Variants in MAP1B observed in about 807,000 individuals in gnomAD.
MAP1B encodes microtubule-associated protein 1B.
Under a neutral mutation model 176.1 loss-of-function variants are expected in MAP1B, and 12 were observed. The ratio of observed to expected loss-of-function variants is 0.07; its 90% CI spans 0.04 to 0.11. The LOEUF (loss-of-function observed/expected upper bound fraction) is 0.11. Ranked by LOEUF, MAP1B falls within the 10% of genes least tolerant of loss-of-function variation. MAP1B has a pLI of 1.00. For synonymous variants in MAP1B, 1,044 were observed against 1,135.0 expected (o/e 0.92, Z 1.61); for missense variants, 2,523 against 2,990.5 (o/e 0.84, Z 3.65).
chr5:72,145,181 T>C (rs1446231637), intron 2 of MAP1B, among the ~76,000 whole-genome samples: 2 of 152,172 alleles, frequency 1.3e-5, no homozygotes, highest in African/African-American at 4.8e-5. Context: ...AAGACAGTGA[T>C]AGAAACCCTA....
intron 2 of MAP1B, among the ~76,000 whole-genome samples, chr5:72,134,992 A>C (rs987517570): frequency 6.6e-6 from 1 of 150,758 alleles, no homozygotes; most frequent in African/African-American, 2.4e-5. Context: ...TGGAATCCTG[A>C]TGTTTCAGAT....
At position 72,107,475 on chromosome 5, in the gene MAP1B, G is replaced by A; in HGVS notation, c.-57G>A. The stretch of plus-strand genomic sequence containing the variant: ...TTCGGAGATAATCCTTTCTCCTGCC[G>A]CAGTGGAGAGGAGCGGCCGGAGCGA... On this transcript the variant is annotated 5_prime_UTR_variant, in exon 1 of 7. Coordinates refer to ENST00000296755, the MANE Select transcript of MAP1B (RefSeq NM_005909.5). 5.6e-6 allele frequency: 8 copies of A among 1,434,914 alleles called. No individual in the cohort carries two copies. The highest frequency in any genetic ancestry group is 1.3e-5 in the South Asian group (1 of 76,412). The allele number at this position is 1,434,914 out of a possible 1,614,324, so 88.9% of individuals were successfully genotyped here. A position where few individuals can be genotyped will look rare whatever the true frequency, so the allele number is the denominator to read the frequency against.
Position 72,186,541 on chromosome 5 carries a change from G to C in MAP1B, c.370-73G>C. 1.9e-6 allele frequency: 3 copies of C among 1,569,992 alleles called. No homozygotes were observed. In the Admixed American group the frequency reaches 5.2e-5, roughly 27 times the overall value. On this transcript the variant is annotated intron_variant, in intron 3 of 6. Transcript: ENST00000296755. The surrounding 1 kb of genome is among the most constrained non-coding windows in gnomAD (Gnocchi z 4.3). ...GTAATAAACTCCCATGGCTCCGAAG[G>C]CTAGCCCTGTCCTGAAGGTGGGATG...
intron 2 of MAP1B, among the ~76,000 whole-genome samples, chr5:72,167,460 T>G (rs1370701825): frequency 6.6e-6 from 1 of 152,160 alleles, no homozygotes; most frequent in Non-Finnish European, 1.5e-5. Context: ...ACCACAAGAC[T>G]CAGATGCAAA....
At chr5:72,169,985 A>G (rs1292769131) in intron 2 of MAP1B, among the ~76,000 whole-genome samples, 4 of 152,222 alleles carry the variant, frequency 2.6e-5, no homozygotes, top group African/African-American at 9.6e-5. Context: ...AAATTCTATC[A>G]CCAAACAACA....
chr5:72,159,425 TA>T (rs2112177504), intron 2 of MAP1B, among the ~76,000 whole-genome samples: 1 of 74,198 alleles, frequency 1.3e-5, no homozygotes, highest in East Asian at 3.3e-4. Context: ...TGGAAGCTAC[TA>T]AAAAGGCAGA....
intron 2 of MAP1B, among the ~76,000 whole-genome samples, chr5:72,118,345 GA>G (rs1250673045): frequency 6.6e-6 from 1 of 151,420 alleles, no homozygotes; most frequent in African/African-American, 2.4e-5. Context: ...TAGAACCAAG[GA>G]GCAAGATGAA....
rs147174306 is a variant in MAP1B, at chr5:72,144,480, A to C, written c.286+28681A>C. ...GCGATCATGGCTCACTGCAGCCTTGAACTCCTGGGCTCAAGAGATCCTCCC... is the reference window on the plus strand; with the variant it reads ...GCGATCATGGCTCACTGCAGCCTTGCACTCCTGGGCTCAAGAGATCCTCCC... On this transcript the variant is annotated intron_variant, in intron 2 of 6. Coordinates refer to ENST00000296755, the MANE Select transcript of MAP1B (RefSeq NM_005909.5). Among the ~76,000 whole-genome samples the C allele has an allele frequency of 2.8e-3, 430 of 152,110 alleles. 7 individuals are homozygous for C. The highest frequency in any genetic ancestry group is 0.01 in the African/African-American group (418 of 41,512).
chr5:72,195,017 C>G lies in MAP1B; in HGVS notation c.1662C>G (p.Ser554Arg). The change falls in exon 5 of 7, where the codon AGC (serine) becomes AGG (arginine). Residue 554 changes from serine (S) to arginine (R), a missense_variant. Around this residue, in one of 4 missense-constraint regions of MAP1B, gnomAD observed 1,925 missense variants for 2,126.0 expected, o/e 0.91. Coordinates refer to ENST00000296755, the MANE Select transcript of MAP1B (RefSeq NM_005909.5). Reference protein sequence around the residue: ...SLKPAAKPLPSKSVRKESKEE... With the variant: ...SLKPAAKPLPRKSVRKESKEE... ...AGCCAGCCGCAAAACCACTTCCTAGCAAATCCGTGCGCAAGGAGTCAAAAG... is the reference window on the plus strand; with the variant it reads ...AGCCAGCCGCAAAACCACTTCCTAGGAAATCCGTGCGCAAGGAGTCAAAAG... 1 of 1,613,966 alleles carries G rather than the reference C, an allele frequency of 6.2e-7. No individual in the cohort carries two copies. The highest frequency in any genetic ancestry group is 8.5e-7 in the Non-Finnish European group (1 of 1,179,984).
Position 72,195,219 on chromosome 5 carries a change from G to A in MAP1B, c.1864G>A (p.Glu622Lys), listed in dbSNP as rs1487600261. Reference sequence around the variant, plus strand: ...ATCTCCAGTGAAAGCCGAGGTGGCTGAGAAGCAAGCCACAGATGTCAAACC... The same window carrying A: ...ATCTCCAGTGAAAGCCGAGGTGGCTAAGAAGCAAGCCACAGATGTCAAACC... The part of the protein sequence containing the change: ...EPSPVKAEVA[E>K]KQATDVKPKA... The change falls in exon 5 of 7, where the codon GAG becomes AAG. Residue 622 changes from glutamate to lysine, a missense_variant. Coordinates refer to ENST00000296755, the MANE Select transcript of MAP1B (RefSeq NM_005909.5). 1 of 1,613,848 alleles carries A rather than the reference G, an allele frequency of 6.2e-7. No homozygotes were observed. Among genetic ancestry groups the A allele is most frequent in the Non-Finnish European group, 8.5e-7 (1 of 1,180,002 alleles).
rs937972192 is a variant in MAP1B at position 72,195,641 on chromosome 5, G to A, written c.2286G>A (p.Lys762=). The A allele has an allele frequency of 1.5e-5, 25 of 1,614,056 alleles. No individual in the cohort carries two copies. The highest frequency in any genetic ancestry group is 2.1e-5 in the Non-Finnish European group (25 of 1,180,040). Residue 762 remains lysine (K), a synonymous_variant, in exon 5 of 7, where the codon AAG becomes AAA. Transcript: ENST00000296755. ...CTTTAAAACCAAAAGTACCCAAGAA[G>A]GAAGAGTCTGTCAAGAAAGATTCTG... is the stretch of plus-strand genomic sequence containing the variant. ...PAALKPKVPK[K]EESVKKDSVA...
rs1747106480 is a variant in MAP1B at position 72,194,650 on chromosome 5, A to G, written c.1295A>G (p.Lys432Arg). ...MYVLNPVKSS[K>R]EMQYFMQQWT... ...GTGCTTAATCCAGTCAAGAGCAGCA[A>G]GGAAATGCAGTATTTTATGCAGCAG... Residue 432 changes from lysine (K) to arginine (R), a missense_variant, in exon 5 of 7, where the codon AAG (lysine) becomes AGG (arginine). This residue lies in a region of MAP1B where 1,925 missense variants were observed against 2,126.0 expected (regional missense o/e 0.91). Coordinates refer to ENST00000296755, the MANE Select transcript of MAP1B (RefSeq NM_005909.5). This position sits in a 1 kb window ranked among gnomAD's most constrained non-coding sequence, Gnocchi z 7.2. 1 of 1,614,202 alleles carries G rather than the reference A, an allele frequency of 6.2e-7. No individual in the cohort carries two copies. The highest frequency in any genetic ancestry group is 1.3e-5 in the African/African-American group (1 of 75,064).
Position 72,196,512 on chromosome 5 carries a change from G to A in MAP1B, c.3157G>A (p.Ala1053Thr). 3 of 1,613,818 alleles carry A rather than the reference G, an allele frequency of 1.9e-6. No individual in the cohort carries two copies. The highest frequency in any genetic ancestry group is 2.5e-6 in the Non-Finnish European group (3 of 1,180,032). Residue 1053 changes from alanine (A) to threonine (T), a missense_variant, in exon 5 of 7, where the codon GCA becomes ACA. Coordinates refer to ENST00000296755, the MANE Select transcript of MAP1B (RefSeq NM_005909.5). This position sits in a 1 kb window ranked among gnomAD's most constrained non-coding sequence, Gnocchi z 5.3. ...DYVMAVVDKA[A>T]EAGGAEEQYG... ...TGTGATGGCTGTGGTCGACAAGGCT[G>A]CAGAGGCTGGTGGTGCCGAGGAGCA...
At chr5:72,119,408 G>A (rs578161935) in intron 2 of MAP1B, among the ~76,000 whole-genome samples, 3 of 152,382 alleles carry the variant, frequency 2.0e-5, no homozygotes, top group Non-Finnish European at 4.4e-5. Context: ...CATCTTGAAA[G>A]AAAAGGTTAG....
At chr5:72,145,584 A>G (rs1746030183) in intron 2 of MAP1B, among the ~76,000 whole-genome samples, 1 of 152,202 alleles carries the variant, frequency 6.6e-6, no homozygotes, top group Non-Finnish European at 1.5e-5. Flanking sequence ...CATAATCAGC[A>G]AGATTTTGAA....
intron 2 of MAP1B, among the ~76,000 whole-genome samples, chr5:72,121,688 C>G (rs1745532650): frequency 6.6e-6 from 1 of 152,188 alleles, no homozygotes; most frequent in Non-Finnish European, 1.5e-5. Context: ...AGAAAATACT[C>G]TTAGAAAAGG....
chr5:72,127,631 AG>A (rs1398724059), intron 2 of MAP1B, among the ~76,000 whole-genome samples: 2 of 152,212 alleles, frequency 1.3e-5, no homozygotes, highest in Admixed American at 6.5e-5. Context: ...AAAAAAACCT[AG>A]GTGTGATATT....
intron 2 of MAP1B, among the ~76,000 whole-genome samples, chr5:72,164,625 G>T: frequency 6.6e-6 from 1 of 152,140 alleles, no homozygotes; most frequent in East Asian, 1.9e-4. Flanking sequence ...AAAGGATCAT[G>T]GAAATCATGT....
At position 72,199,867 on chromosome 5, in the gene MAP1B, C is replaced by A; in HGVS notation, c.6512C>A (p.Ser2171Tyr). The change falls in exon 5 of 7, where the codon TCC becomes TAC. Residue 2171 changes from serine to tyrosine, a missense_variant. Ser to Tyr is a moderately radical substitution (Grantham distance 144). Around this residue, in one of 4 missense-constraint regions of MAP1B, gnomAD observed 287 missense variants for 401.5 expected, o/e 0.71. Coordinates refer to ENST00000296755, the MANE Select transcript of MAP1B (RefSeq NM_005909.5). This position sits in a 1 kb window ranked among gnomAD's most constrained non-coding sequence, Gnocchi z 4.2. ...CCCCCGGAGACTGAAGAGTGCCCCT[C>A]CATCACGGCCGATGCCAATATCGAC... ...DVPPETEECPSITADANIDSE... is the reference protein window; with the variant it reads ...DVPPETEECPYITADANIDSE... 6.2e-7 allele frequency: 1 copy of A among 1,614,192 alleles called. No homozygotes were observed. The highest frequency in any genetic ancestry group is 1.1e-5 in the South Asian group (1 of 91,086).
Sources: gnomAD v4.1 joint callset for allele counts (sites outside exome capture counted in the v4.1 genomes callset) on GRCh38, gnomAD v4.1.1 for gene constraint, gnomAD v4.1.1 regional missense constraint, Gnocchi (gnomAD v3.1) non-coding constraint, MANE v1.5 for transcripts, NCBI Gene and HGNC (gene_info 2026-07-23, HGNC 2026-07-21) for gene names.